PLA2G4A: variants seen among roughly 807,000 people sequenced by gnomAD.
PLA2G4A encodes the protein phospholipase A2 group IVA.
A neutral mutation model predicts 81.9 loss-of-function variants in PLA2G4A; 40 were observed. That is an observed-to-expected ratio of 0.49 (90% CI 0.38 to 0.64). The LOEUF (loss-of-function observed/expected upper bound fraction) is 0.64, where lower values mean the gene tolerates loss of function less well. PLA2G4A is among the 30% of genes least tolerant of loss of function. The pLI is 0.00. For missense variants in PLA2G4A, 715 were observed against 905.1 expected, an observed-to-expected ratio of 0.79 and a Z score of 2.69; for synonymous variants, 302 against 296.9, an observed-to-expected ratio of 1.02 and a Z score of -0.18.
At chr1:186,912,637 G>A (rs1002203341) in intron 7 of PLA2G4A, among the ~76,000 whole-genome samples, 2 of 150,060 alleles carry the variant, frequency 1.3e-5, no homozygotes, top group South Asian at 2.1e-4. Flanking sequence ...TCATGGTTTG[G>A]ATAGCACATT....
intron 3 of PLA2G4A, among the ~76,000 whole-genome samples, chr1:186,888,742 A>G (rs1654025362): frequency 6.6e-6 from 1 of 152,120 alleles, no homozygotes; most frequent in Non-Finnish European, 1.5e-5. Context: ...TTGTTGAATG[A>G]ATGAATGATG....
chr1:186,960,430 A>G (rs1443187228), intron 14 of PLA2G4A, among the ~76,000 whole-genome samples: 1 of 152,202 alleles, frequency 6.6e-6, no homozygotes, highest in African/African-American at 2.4e-5. Context: ...AACCGCATTA[A>G]TTCATTCACA....
intron 7 of PLA2G4A, among the ~76,000 whole-genome samples, chr1:186,914,214 T>G (rs1245465868): frequency 6.6e-6 from 1 of 152,062 alleles, no homozygotes; most frequent in African/African-American, 2.4e-5. Context: ...CTCAGTCTCC[T>G]AAGTAGCCAG....
At chr1:186,929,255 A>T (rs1032135908) in intron 7 of PLA2G4A, among the ~76,000 whole-genome samples, 1 of 152,222 alleles carries the variant, frequency 6.6e-6, no homozygotes, top group African/African-American at 2.4e-5. Flanking sequence ...TCTATGGACA[A>T]GGTATTATCT....
At chr1:186,885,637 G>A (rs1003481918) in intron 3 of PLA2G4A, among the ~76,000 whole-genome samples, 1 of 152,022 alleles carries the variant, frequency 6.6e-6, no homozygotes, top group African/African-American at 2.4e-5. Flanking sequence ...TATTGGATAT[G>A]GATCTTAAAA....
intron 7 of PLA2G4A, among the ~76,000 whole-genome samples, chr1:186,931,069 T>G (rs1455661224): frequency 6.6e-6 from 1 of 152,204 alleles, no homozygotes; most frequent in South Asian, 2.1e-4. Context: ...TATTGTATTC[T>G]ACTCATCCTC....
chr1:186,976,195 C>G (rs1657522802), intron 15 of PLA2G4A, among the ~76,000 whole-genome samples: 1 of 152,102 alleles, frequency 6.6e-6, no homozygotes, highest in Non-Finnish European at 1.5e-5. Context: ...TGTTATGTCC[C>G]CACTTCTAAC....
chr1:186,977,671 G>A lies in PLA2G4A; in HGVS notation c.1843G>A (p.Glu615Lys). 1.2e-6 allele frequency: 2 copies of A among 1,612,934 alleles called. No homozygotes were observed. Among genetic ancestry groups the A allele is most frequent in the Non-Finnish European group, 1.7e-6 (2 of 1,178,938 alleles). The change falls in exon 16 of 18, where the codon GAA becomes AAA. Residue 615 changes from glutamate to lysine, a missense_variant. Transcript: ENST00000367466. Reference protein sequence around the residue: ...PKIDPYVFDREGLKECYVFKP... With the variant: ...PKIDPYVFDRKGLKECYVFKP... ...GATTGATCCTTATGTGTTTGATCGG[G>A]AAGGGCTGAAGGAGTGCTATGTCTT...
At chr1:186,948,824 G>C (rs533371838) in intron 12 of PLA2G4A, among the ~76,000 whole-genome samples, 1 of 152,238 alleles carries the variant, frequency 6.6e-6, no homozygotes, top group Admixed American at 6.5e-5. Flanking sequence ...GTGTATGTGT[G>C]ATCCGCCAGT....
chr1:186,958,893 T>C (rs1656848420), intron 14 of PLA2G4A, among the ~76,000 whole-genome samples: 1 of 152,164 alleles, frequency 6.6e-6, no homozygotes, highest in Non-Finnish European at 1.5e-5. Flanking sequence ...TAGATTTGAA[T>C]TTTAAATATG....
At chr1:186,879,504 C>T (rs570118364) in intron 3 of PLA2G4A, among the ~76,000 whole-genome samples, 65 of 152,050 alleles carry the variant, frequency 4.3e-4, no homozygotes, top group African/African-American at 1.5e-3. Context: ...GTGGTTTAAA[C>T]AAGGACTCTG....
intron 15 of PLA2G4A, among the ~76,000 whole-genome samples, chr1:186,976,842 A>G (rs1657550844): frequency 6.6e-6 from 1 of 152,232 alleles, no homozygotes; most frequent in South Asian, 2.1e-4. Context: ...GCTGACTGCG[A>G]ACACGTATTT....
At chr1:186,904,660 C>T (rs939802304) in intron 5 of PLA2G4A, among the ~76,000 whole-genome samples, 3 of 152,156 alleles carry the variant, frequency 2.0e-5, no homozygotes, top group African/African-American at 7.2e-5. Flanking sequence ...AAATCCTGTG[C>T]CTTCTCTTCC....
At chr1:186,837,366 T>C (rs1406729002) in intron 1 of PLA2G4A, among the ~76,000 whole-genome samples, 1 of 151,888 alleles carries the variant, frequency 6.6e-6, no homozygotes, top group Non-Finnish European at 1.5e-5. Context: ...AATGGAGACA[T>C]AGCAGGGAAA....
At chr1:186,911,130 T>C (rs1008736136) in intron 6 of PLA2G4A, 118 bp from the exon 7 acceptor site, 1 of 821,388 alleles carries the variant, frequency 1.2e-6, no homozygotes, top group Admixed American at 1.7e-5. Flanking sequence ...AGGAAATGGC[T>C]TGAGGGAAGC....
chr1:186,965,536 T>A lies in PLA2G4A; in HGVS notation c.1707T>A (p.Asp569Glu). ...PLILRPQRGV[D>E]LIISFDFSAR... ...TACTGAGACCTCAGAGAGGGGTTGA[T>A]CTCATAATCTCCTTTGACTTTTCTG... The change falls in exon 15 of 18, where the codon GAT (aspartate) becomes GAA (glutamate). Residue 569 changes from aspartate (D) to glutamate (E), a missense_variant. Coordinates refer to ENST00000367466, the MANE Select transcript of PLA2G4A (RefSeq NM_024420.3). 1 of 1,613,494 alleles carries A rather than the reference T, an allele frequency of 6.2e-7. No homozygotes were observed. The highest frequency in any genetic ancestry group is 8.5e-7 in the Non-Finnish European group (1 of 1,179,422).
intron 3 of PLA2G4A, among the ~76,000 whole-genome samples, chr1:186,892,530 A>C (rs1433336965): frequency 6.6e-6 from 1 of 152,226 alleles, no homozygotes; most frequent in African/African-American, 2.4e-5. Flanking sequence ...CAGTTTTCCC[A>C]GCACCATTTA....
intron 3 of PLA2G4A, among the ~76,000 whole-genome samples, chr1:186,892,312 G>T (rs1256321319): frequency 2.0e-5 from 3 of 151,800 alleles, no homozygotes. Flanking sequence ...GATCCCATTT[G>T]CCCATTTTTG....
At chr1:186,947,606 G>T (rs1212727449) in intron 12 of PLA2G4A, among the ~76,000 whole-genome samples, 1 of 152,072 alleles carries the variant, frequency 6.6e-6, no homozygotes, top group Admixed American at 6.6e-5. Context: ...TAATAAATTT[G>T]ACTTAAAGCA....
Sources: gnomAD v4.1 joint callset for allele counts (sites outside exome capture counted in the v4.1 genomes callset) on GRCh38, gnomAD v4.1.1 for gene constraint, MANE v1.5 for transcripts, NCBI Gene and HGNC (gene_info 2026-07-23, HGNC 2026-07-21) for gene names.